CELF2: variants seen among roughly 807,000 people sequenced by gnomAD.
CELF2 encodes the protein CUG triplet repeat RNA-binding protein 2.
In CELF2, 8 loss-of-function variants were observed where a neutral mutation model predicts 62.6. The ratio of observed to expected loss-of-function variants is 0.13; its 90% CI spans 0.07 to 0.23. The LOEUF is 0.23. CELF2 is among the 10% of genes least tolerant of loss of function. The pLI is 1.00. For missense variants in CELF2, 333 were observed against 671.0 expected (o/e 0.50, Z 5.56); for synonymous variants, 258 against 250.0 (o/e 1.03, Z -0.30).
At chr10:10,488,772 A>T in the CELF2 span, among the ~76,000 whole-genome samples, 1 of 152,154 alleles carries the variant, frequency 6.6e-6, no homozygotes, top group Non-Finnish European at 1.5e-5. Context: ...TTGACATAGC[A>T]AATTAACGTA....
At chr10:10,881,455 G>C (rs2061432290) in intron 1 of CELF2, among the ~76,000 whole-genome samples, 1 of 152,134 alleles carries the variant, frequency 6.6e-6, no homozygotes, top group Non-Finnish European at 1.5e-5. Flanking sequence ...CCAGCTGTTA[G>C]TAAAATATGA....
the CELF2 span, among the ~76,000 whole-genome samples, chr10:10,774,849 A>ATATT: frequency 6.6e-6 from 1 of 151,172 alleles, no homozygotes; most frequent in Non-Finnish European, 1.5e-5. Context: ...GGGTGAGCTG[A>ATATT]TATTTATTTA....
rs1283130577 is a variant in CELF2 at position 10,995,916 on chromosome 10, A to G, written c.89+75917A>G. Reference sequence around the variant, plus strand: ...CAAATTATGCATTGGTTCTGGAATTAAAAATGAACATAAGACTCTTTTGAT... The same window carrying G: ...CAAATTATGCATTGGTTCTGGAATTGAAAATGAACATAAGACTCTTTTGAT... On this transcript the variant is annotated intron_variant, in intron 2 of 13. Transcript: ENST00000636488. The surrounding 1 kb of genome is among the most constrained non-coding windows in gnomAD (Gnocchi z 4.7). Among the ~76,000 whole-genome samples the G allele has an allele frequency of 6.6e-6, 1 of 152,216 alleles. No homozygotes were observed. The highest frequency in any genetic ancestry group is 1.5e-5 in the Non-Finnish European group (1 of 68,034).
chr10:10,697,759 C>G, the CELF2 span, among the ~76,000 whole-genome samples: 1 of 152,142 alleles, frequency 6.6e-6, no homozygotes, highest in African/African-American at 2.4e-5. Context: ...GCCGCACCCC[C>G]CCAATACCAT....
At chr10:10,620,130 T>A in the CELF2 span, among the ~76,000 whole-genome samples, 1 of 152,222 alleles carries the variant, frequency 6.6e-6, no homozygotes, top group African/African-American at 2.4e-5. Flanking sequence ...AGGTTGCCAA[T>A]CTTGGACCCA....
At chr10:11,001,914 G>A (rs1361456519), upstream of CELF2, among the ~76,000 whole-genome samples, 1 of 152,114 alleles carries the variant, frequency 6.6e-6, no homozygotes, top group Non-Finnish European at 1.5e-5. Context: ...GTCTGTCTAG[G>A]CTCAACTCGA....
At chr10:10,810,793 A>G (rs1395474739) in intron 1 of CELF2, among the ~76,000 whole-genome samples, 2 of 152,228 alleles carry the variant, frequency 1.3e-5, no homozygotes, top group Non-Finnish European at 2.9e-5. Flanking sequence ...GGGTAGAGTG[A>G]GTGCCATCGT....
intron 1 of CELF2, among the ~76,000 whole-genome samples, chr10:10,846,551 T>C (rs1353079752): frequency 6.6e-6 from 1 of 152,230 alleles, no homozygotes; most frequent in Non-Finnish European, 1.5e-5. Context: ...TTGATGCTTT[T>C]ATCACCAGGG....
chr10:10,879,327 G>A (rs573536637), intron 1 of CELF2, among the ~76,000 whole-genome samples: 2 of 152,120 alleles, frequency 1.3e-5, no homozygotes, highest in Non-Finnish European at 2.9e-5. Context: ...ACAATACTTA[G>A]TGCCACGCAC....
At chr10:10,878,212 C>G (rs968320366) in intron 1 of CELF2, among the ~76,000 whole-genome samples, 2 of 152,194 alleles carry the variant, frequency 1.3e-5, no homozygotes, top group Non-Finnish European at 2.9e-5. Flanking sequence ...GAATCCTTCA[C>G]TCTCTGCTAG....
In CELF2 at chr10:10,957,154, C is replaced by T. The variant is rs965868957; in HGVS notation, c.89+37155C>T. Among the ~76,000 whole-genome samples, 16 of 152,174 alleles carry T rather than the reference C, an allele frequency of 1.1e-4. No homozygotes were observed. Among genetic ancestry groups the T allele is most frequent in the Non-Finnish European group, 1.0e-4 (7 of 68,026 alleles). On this transcript the variant is annotated intron_variant, in intron 2 of 13. Transcript: ENST00000636488. The surrounding 1 kb of genome is among the most constrained non-coding windows in gnomAD (Gnocchi z 4.1). ...TCCTCTAATCCTCTCTTTGCTGTGC[C>T]TCTCTGGAGTTCCTGACATTTCCGC...
At chr10:10,801,083 A>AC (rs1345015020) in intron 1 of CELF2, among the ~76,000 whole-genome samples, 1 of 151,960 alleles carries the variant, frequency 6.6e-6, no homozygotes, top group African/African-American at 2.4e-5. Context: ...TTTAAAAAAA[A>AC]AACAGTGAGA....
chr10:11,044,849 A>G (rs533272416), intron 1 of CELF2, among the ~76,000 whole-genome samples: 5 of 152,350 alleles, frequency 3.3e-5, no homozygotes, highest in Admixed American at 6.5e-5. Context: ...ATGATACCAC[A>G]ATACCAAAAG....
Position 11,329,224 on chromosome 10 carries a change from G to A in CELF2, c.*171G>A. The A allele has an allele frequency of 2.0e-6, 1 of 505,256 alleles. No homozygotes were observed. Among genetic ancestry groups the A allele is most frequent in the Non-Finnish European group, 3.2e-6 (1 of 312,574 alleles). The allele number at this position is 505,256 out of a possible 1,614,324, so 31.3% of individuals were successfully genotyped here. ...TGTCCCCACCCACTTCCCCTACCCA[G>A]TTTGCCATAATTAAAACTTGGGCTA... On this transcript the variant is annotated 3_prime_UTR_variant, in exon 13 of 13. Coordinates refer to ENST00000633077, the MANE Select transcript of CELF2 (RefSeq NM_001326342.2). This position sits in a 1 kb window ranked among gnomAD's most constrained non-coding sequence, Gnocchi z 5.5.
the CELF2 span, among the ~76,000 whole-genome samples, chr10:10,538,597 A>C: frequency 6.6e-6 from 1 of 151,864 alleles, no homozygotes; most frequent in African/African-American, 2.4e-5. Flanking sequence ...TCCCCTGCCC[A>C]AACAACCCAC....
At chr10:11,320,484 C>T (rs901546687) in intron 10 of CELF2, among the ~76,000 whole-genome samples, 2 of 152,222 alleles carry the variant, frequency 1.3e-5, no homozygotes, top group Non-Finnish European at 2.9e-5. Flanking sequence ...TGATACCGAA[C>T]GAGTAGCTTC....
At chr10:10,855,753 T>C (rs952655024) in intron 1 of CELF2, among the ~76,000 whole-genome samples, 1 of 152,214 alleles carries the variant, frequency 6.6e-6, no homozygotes, top group Non-Finnish European at 1.5e-5. Context: ...TAGGCACTAG[T>C]AATCAGCATT....
chr10:11,013,628 G>A (rs548412454), upstream of CELF2, among the ~76,000 whole-genome samples: 1 of 152,246 alleles, frequency 6.6e-6, no homozygotes, highest in South Asian at 2.1e-4. The surrounding 1 kb of genome is among the most constrained non-coding windows in gnomAD (Gnocchi z 4.1). Context: ...TCAAGCAATG[G>A]TGACTACTTA....
chr10:10,870,175 A>G (rs2060646898), intron 1 of CELF2, among the ~76,000 whole-genome samples: 1 of 152,124 alleles, frequency 6.6e-6, no homozygotes, highest in African/African-American at 2.4e-5. Context: ...CCATCTTTAA[A>G]ATTTTTATTA....
Sources: gnomAD v4.1 joint callset for allele counts (sites outside exome capture counted in the v4.1 genomes callset) on GRCh38, gnomAD v4.1.1 for gene constraint, Gnocchi (gnomAD v3.1) non-coding constraint, MANE v1.5 for transcripts, NCBI Gene and HGNC (gene_info 2026-07-23, HGNC 2026-07-21) for gene names.